CCDC90B: variants seen among roughly 807,000 people sequenced by gnomAD.
CCDC90B encodes the protein coiled-coil domain-containing protein 90B, mitochondrial.
CCDC90B carries 24 observed loss-of-function variants against 37.0 expected under a neutral mutation model. The ratio of observed to expected loss-of-function variants is 0.65; its 90% CI spans 0.47 to 0.91. CCDC90B has a LOEUF of 0.91. Ranked by LOEUF, CCDC90B falls within the 40% of genes least tolerant of loss-of-function variation. CCDC90B has a pLI of 0.00. For synonymous variants in CCDC90B, 113 were observed against 101.1 expected (o/e 1.12, Z -0.71); for missense variants, 319 against 299.0 (o/e 1.07, Z -0.49).
intron 7 of CCDC90B, among the ~76,000 whole-genome samples, chr11:83,267,824 G>A (rs1183498724): frequency 6.6e-6 from 1 of 152,188 alleles, no homozygotes; most frequent in Admixed American, 6.5e-5. Context: ...CACCAAGGTT[G>A]AAATGAAGGA....
intron 1 of CCDC90B, chr11:83,285,622 A>G (rs1865636041): frequency 7.4e-7 from 1 of 1,347,402 alleles, no homozygotes; most frequent in Admixed American, 3.5e-5. Context: ...CTGAGAAAGA[A>G]GCCGGGCGCG....
chr11:83,273,707 G>A lies in CCDC90B; in HGVS notation c.541-7C>T. ...GCTTTTCTTGATCTGTAAACTATAG[G>A]ATATGAAGCAGCAGGAAGTTAAAAA... On this transcript the variant is annotated splice_polypyrimidine_tract_variant and splice_region_variant and intron_variant, in intron 6 of 8. Transcript: ENST00000529689. 1.2e-6 allele frequency: 2 copies of A among 1,603,848 alleles called. No individual in the cohort carries two copies. Among genetic ancestry groups the A allele is most frequent in the Non-Finnish European group, 1.7e-6 (2 of 1,176,908 alleles).
rs1166850953 is a variant in CCDC90B, at chr11:83,285,482, C to T, written c.100+391G>A. The T allele has an allele frequency of 4.5e-6, 5 of 1,116,144 alleles. No individual in the cohort carries two copies. The East Asian group carries it at 3.0e-4, about 67-fold the overall frequency. The allele number at this position is 1,116,144 out of a possible 1,614,324, so 69.1% of individuals were successfully genotyped here. A position where few individuals can be genotyped will look rare whatever the true frequency, so the allele number is the denominator to read the frequency against. Reference sequence around the variant, plus strand: ...ACCAAAAACCTGGGCTCGAGGCCAGCACCTAAAAAAACAAAATCAAAATTT... The same window carrying T: ...ACCAAAAACCTGGGCTCGAGGCCAGTACCTAAAAAAACAAAATCAAAATTT... On this transcript the variant is annotated intron_variant, in intron 1 of 8. Transcript: ENST00000529689.
intron 7 of CCDC90B, among the ~76,000 whole-genome samples, chr11:83,269,719 A>T (rs567716606): frequency 6.6e-6 from 1 of 152,338 alleles, no homozygotes; most frequent in East Asian, 1.9e-4. Flanking sequence ...GCCAAATTCT[A>T]CCAGAGGTAC....
At chr11:83,266,329 G>T (rs1864272064) in intron 7 of CCDC90B, among the ~76,000 whole-genome samples, 1 of 152,204 alleles carries the variant, frequency 6.6e-6, no homozygotes, top group Admixed American at 6.5e-5. Flanking sequence ...AGCGCAAGGG[G>T]TCAGCGGATT....
intron 7 of CCDC90B, among the ~76,000 whole-genome samples, chr11:83,271,765 G>T (rs1271922688): frequency 6.6e-6 from 1 of 152,192 alleles, no homozygotes; most frequent in Admixed American, 6.5e-5. Flanking sequence ...CCATTACTGG[G>T]TATATACCGA....
intron 7 of CCDC90B, among the ~76,000 whole-genome samples, chr11:83,269,485 C>T (rs532421571): frequency 4.6e-5 from 7 of 152,110 alleles, no homozygotes; most frequent in Middle Eastern, 3.4e-3. Context: ...ATATCACCAC[C>T]GATCCCACAG....
chr11:83,277,678 T>G (rs1460335754), intron 3 of CCDC90B, among the ~76,000 whole-genome samples: 2 of 151,496 alleles, frequency 1.3e-5, no homozygotes, highest in African/African-American at 4.9e-5. Flanking sequence ...TTTTTTCAAG[T>G]AGAGACAGTG....
intron 7 of CCDC90B, chr11:83,273,125 T>C (rs974838620): frequency 6.6e-6 from 1 of 152,184 alleles, no homozygotes; most frequent in Non-Finnish European, 1.5e-5. Context: ...TATTAGTGTT[T>C]ATATGTTATT....
intron 7 of CCDC90B, among the ~76,000 whole-genome samples, chr11:83,267,651 A>G (rs1864368220): frequency 6.6e-6 from 1 of 152,184 alleles, no homozygotes; most frequent in Non-Finnish European, 1.5e-5. Flanking sequence ...GGTGTACCTG[A>G]AAGTGGGAGA....
intron 8 of CCDC90B, among the ~76,000 whole-genome samples, chr11:83,265,449 CCTT>C (rs1394582359): frequency 6.6e-6 from 1 of 151,900 alleles, no homozygotes; most frequent in African/African-American, 2.4e-5. Context: ...CACAGTTTAT[CCTT>C]CTATCATTTT....
At chr11:83,276,893 AT>A (rs1433997655) in intron 3 of CCDC90B, among the ~76,000 whole-genome samples, 4 of 152,006 alleles carry the variant, frequency 2.6e-5, no homozygotes, top group Non-Finnish European at 5.9e-5. Flanking sequence ...TTATTATTTT[AT>A]TTTTTCCCCC....
Position 83,285,988 on chromosome 11 carries a change from CGGT to C in CCDC90B, c.-19_-17del. Reference sequence around the variant, plus strand: ...GACTATTCATGTCCTCAGAGTTTTCCGGTGGGAGGGAGGCGGAAGACGGGGTAA... The same window carrying C: ...GACTATTCATGTCCTCAGAGTTTTCCGGGAGGGAGGCGGAAGACGGGGTAA... On this transcript the variant is annotated 5_prime_UTR_variant, in exon 1 of 9. Transcript: ENST00000529689. 1 of 1,602,916 alleles carries C rather than the reference CGGT, an allele frequency of 6.2e-7. No homozygotes were observed. Among genetic ancestry groups the C allele is most frequent in the Non-Finnish European group, 8.5e-7 (1 of 1,174,620 alleles).
At chr11:83,264,213 C>T (rs999170992) in intron 8 of CCDC90B, among the ~76,000 whole-genome samples, 2 of 152,004 alleles carry the variant, frequency 1.3e-5, no homozygotes, top group African/African-American at 2.4e-5. Flanking sequence ...GGACTGGATA[C>T]ATAAATTGTG....
intron 7 of CCDC90B, among the ~76,000 whole-genome samples, chr11:83,267,843 T>A (rs1033996818): frequency 2.0e-5 from 3 of 152,130 alleles, no homozygotes; most frequent in South Asian, 2.1e-4. Flanking sequence ...GAAAAAGTGT[T>A]AAGGGCAGCC....
chr11:83,269,679 A>C (rs1048519480), intron 7 of CCDC90B, among the ~76,000 whole-genome samples: 3 of 152,082 alleles, frequency 2.0e-5, no homozygotes, highest in Non-Finnish European at 4.4e-5. Flanking sequence ...CCTAACAACC[A>C]AAAAAAGTCC....
At chr11:83,264,812 C>T (rs1450490981) in intron 8 of CCDC90B, among the ~76,000 whole-genome samples, 2 of 151,714 alleles carry the variant, frequency 1.3e-5, no homozygotes, top group Non-Finnish European at 2.9e-5. Context: ...TTTGTAGGGA[C>T]ATGGATGAAA....
intron 7 of CCDC90B, among the ~76,000 whole-genome samples, chr11:83,272,264 T>G: frequency 6.6e-6 from 1 of 152,176 alleles, no homozygotes; most frequent in South Asian, 2.1e-4. Context: ...AATTTTTTTT[T>G]AAAAACACTA....
chr11:83,265,692 C>T (rs1478099739), intron 8 of CCDC90B, among the ~76,000 whole-genome samples, 173 bp downstream of exon 8: 1 of 152,122 alleles, frequency 6.6e-6, no homozygotes, highest in Non-Finnish European at 1.5e-5. Flanking sequence ...ACCCAAGACT[C>T]CAAAAAATAT....
Sources: allele counts gnomAD v4.1 joint callset (sites outside exome capture counted in the v4.1 genomes callset), GRCh38; gene constraint gnomAD v4.1.1; transcripts MANE v1.5; gene names NCBI Gene and HGNC (gene_info 2026-07-23, HGNC 2026-07-21).